COMMD7: variants seen among roughly 807,000 people sequenced by gnomAD.
COMMD7 encodes the protein COMM domain containing 7, also known as COMM domain-containing protein 7.
Under a neutral mutation model 34.8 loss-of-function variants are expected in COMMD7, and 28 were observed. The ratio of observed to expected loss-of-function variants is 0.80; its 90% confidence interval spans 0.60 to 1.10. The LOEUF is 1.10. COMMD7 is among the 50% of genes least tolerant of loss of function. The probability of loss-of-function intolerance (pLI) is 0.00; values close to 1 mark genes in which losing one functional copy is unlikely to be tolerated. For synonymous variants in COMMD7, 80 were observed against 86.4 expected, an observed-to-expected ratio of 0.93 and a Z score of 0.41; for missense variants, 211 against 241.6, an observed-to-expected ratio of 0.87 and a Z score of 0.84.
chr20:32,737,464 G>A (rs554965652), intron 1 of COMMD7, among the ~76,000 whole-genome samples: 2 of 151,586 alleles, frequency 1.3e-5, no homozygotes, highest in South Asian at 2.1e-4. Flanking sequence ...CTGGGAGGTC[G>A]AGGCTGCACT....
chr20:32,731,865 A>G (rs1985858807), intron 1 of COMMD7, among the ~76,000 whole-genome samples: 1 of 152,228 alleles, frequency 6.6e-6, no homozygotes, highest in Admixed American at 6.5e-5. Context: ...GATTCTCCCC[A>G]GTAAACTTAG....
rs1418761793 is a variant in COMMD7 at position 32,712,781 on chromosome 20, T to C, written c.242-6021A>G. On this transcript the variant is annotated intron_variant, in intron 3 of 8. Transcript: ENST00000278980. Reference sequence around the variant, plus strand: ...TTTTTTTTTTTTTCGAGACAGAGTCTCACTCTGTCCCCCAGACTGGAATGC... The same window carrying C: ...TTTTTTTTTTTTTCGAGACAGAGTCCCACTCTGTCCCCCAGACTGGAATGC... Among the ~76,000 whole-genome samples, 6 of 125,324 alleles carry C rather than the reference T, an allele frequency of 4.8e-5. No homozygotes were observed. The Middle Eastern group carries it at 0.016, about 326-fold the overall frequency. The allele number at this position is 125,324 out of a possible 152,430, so 82.2% of individuals were successfully genotyped here.
intron 3 of COMMD7, among the ~76,000 whole-genome samples, chr20:32,721,888 CGTT>C (rs1568784104): frequency 9.0e-6 from 1 of 110,770 alleles, no homozygotes; most frequent in Non-Finnish European, 1.9e-5. Flanking sequence ...CAGAGCAAGA[CGTT>C]GTCTCAAAAA....
In COMMD7 at chr20:32,703,885, G is replaced by A. The variant is rs778456160; in HGVS notation, c.526+138C>T. 2.6e-6 allele frequency: 4 copies of A among 1,555,146 alleles called. No homozygotes were observed. In the East Asian group the frequency reaches 9.6e-5, roughly 37 times the overall value. On this transcript the variant is annotated intron_variant, in intron 8 of 8. Coordinates refer to ENST00000278980, the MANE Select transcript of COMMD7 (RefSeq NM_053041.3). ...CTCCTTGTGCCATCTTTCAGGAGAG[G>A]AAAGGCAGTGGAACAGCTACTCCAC...
At chr20:32,723,029 A>AAATC (rs1985267365) in intron 3 of COMMD7, among the ~76,000 whole-genome samples, 1 of 24,812 alleles carries the variant, frequency 4.0e-5, no homozygotes, top group African/African-American at 1.4e-4. Context: ...AAAAATAAAT[A>AAATC]AATAAATAAA....
intron 3 of COMMD7, among the ~76,000 whole-genome samples, chr20:32,725,772 C>T (rs936076474): frequency 6.6e-6 from 1 of 152,022 alleles, no homozygotes; most frequent in African/African-American, 2.4e-5. Context: ...TTTATTCCTG[C>T]TGGTGAAATG....
intron 3 of COMMD7, among the ~76,000 whole-genome samples, chr20:32,709,520 AGCCTGGGC>A (rs1278647461): frequency 2.0e-5 from 3 of 152,202 alleles, no homozygotes; most frequent in Non-Finnish European, 1.5e-5. Context: ...ACTGCACTCA[AGCCTGGGC>A]GACAGAGCGA....
In COMMD7 at chr20:32,706,731, G is replaced by T; in HGVS notation, c.271C>A (p.Gln91Lys). Residue 91 changes from glutamine to lysine, a missense_variant, in exon 4 of 9, where the codon CAG becomes AAG. Coordinates refer to ENST00000278980, the MANE Select transcript of COMMD7 (RefSeq NM_053041.3). ...AGAGTTATGAAATCCGCCTGGACCT[G>T]CTTGGCTGTGAGACTCTTCTTCAAA... The part of the protein sequence containing the change: ...GALKKSLTAK[Q>K]VQADFITLGL... 6.2e-7 allele frequency: 1 copy of T among 1,613,898 alleles called. No homozygotes were observed. Among genetic ancestry groups the T allele is most frequent in the Non-Finnish European group, 8.5e-7 (1 of 1,179,988 alleles).
At position 32,710,474 on chromosome 20, in the gene COMMD7, G is replaced by A. The variant is rs147109711; in HGVS notation, c.242-3714C>T. 5.9e-5 allele frequency among the ~76,000 whole-genome samples: 9 copies of A among 152,216 alleles called. No homozygotes were observed. In the East Asian group the frequency reaches 1.4e-3, roughly 23 times the overall value. On this transcript the variant is annotated intron_variant, in intron 3 of 8. Transcript: ENST00000278980. ...AAAAAATTATGTAAGGCCAAGTGCT[G>A]TCATCCCAGCACTTTGGGAGGCTGA...
rs761001606 is a variant in COMMD7 at position 32,732,544 on chromosome 20, A to G, written c.85-4402T>C. ...CACTTTGGGAGGCTGAGGCAGGAGGACCGCTTGATCCCAGGAGACAAGCAT... is the reference window on the plus strand; with the variant it reads ...CACTTTGGGAGGCTGAGGCAGGAGGGCCGCTTGATCCCAGGAGACAAGCAT... On this transcript the variant is annotated intron_variant, in intron 1 of 8. Transcript: ENST00000278980. 2.1e-3 allele frequency among the ~76,000 whole-genome samples: 320 copies of G among 152,174 alleles called. 1 individual carries two copies. Among genetic ancestry groups the G allele is most frequent in the Non-Finnish European group, 2.6e-3 (174 of 68,000 alleles).
intron 3 of COMMD7, among the ~76,000 whole-genome samples, chr20:32,722,341 A>C (rs944395523): frequency 6.6e-6 from 1 of 151,988 alleles, no homozygotes; most frequent in African/African-American, 2.4e-5. Flanking sequence ...TCTCCTGAAA[A>C]TTAGTGCCCA....
Position 32,702,927 on chromosome 20 carries a change from G to A in COMMD7, c.*455C>T, listed in dbSNP as rs1454597203. 6.4e-6 allele frequency: 1 copy of A among 157,324 alleles called. No individual in the cohort carries two copies. The highest frequency in any genetic ancestry group is 1.4e-5 in the Non-Finnish European group (1 of 71,200). 9.7% of individuals were successfully genotyped at this position (157,324 alleles called of 1,614,324 possible). The stretch of plus-strand genomic sequence containing the variant: ...TGTTCCACCAGCACAGACCCAGAGT[G>A]TGCAGAAATCCGTGGGGGCTCTGTA... On this transcript the variant is annotated 3_prime_UTR_variant, in exon 9 of 9. Transcript: ENST00000278980.
intron 1 of COMMD7, among the ~76,000 whole-genome samples, chr20:32,740,813 C>CAAA (rs56039232): frequency 9.4e-5 from 12 of 128,280 alleles, no homozygotes; most frequent in South Asian, 2.6e-4. Flanking sequence ...GACCCTGCCT[C>CAAA]AAAAAAAAAA....
intron 3 of COMMD7, among the ~76,000 whole-genome samples, chr20:32,726,988 T>G (rs1985545017): frequency 6.6e-6 from 1 of 152,068 alleles, no homozygotes; most frequent in African/African-American, 2.4e-5. Flanking sequence ...CCTAGCACTT[T>G]GGGAGGCCAA....
intron 1 of COMMD7, among the ~76,000 whole-genome samples, chr20:32,733,231 G>A (rs1007153600): frequency 1.3e-5 from 2 of 151,862 alleles, no homozygotes; most frequent in African/African-American, 4.8e-5. Context: ...AAAGAATGCA[G>A]TAGATCTATT....
chr20:32,725,645 G>A (rs1304175175), intron 3 of COMMD7, among the ~76,000 whole-genome samples: 5 of 151,982 alleles, frequency 3.3e-5, no homozygotes, highest in Admixed American at 3.3e-4. Flanking sequence ...AGCCAGGATG[G>A]TCTCGATCTC....
intron 1 of COMMD7, 71 bp downstream of exon 1, chr20:32,743,237 T>TGCCCCCCCCCCCCCG: frequency 1.9e-6 from 1 of 526,956 alleles, no homozygotes; most frequent in Non-Finnish European, 3.1e-6. Flanking sequence ...CCCCCGGACG[T>TGCCCCCCCCCCCCCG]CCCCCCCACC....
chr20:32,726,178 A>G (rs1159304869), intron 3 of COMMD7, among the ~76,000 whole-genome samples: 2 of 151,936 alleles, frequency 1.3e-5, no homozygotes, highest in East Asian at 3.9e-4. Flanking sequence ...TCACGAGGTC[A>G]GGAGTTCAAG....
chr20:32,733,319 G>A (rs562680833), intron 1 of COMMD7, among the ~76,000 whole-genome samples: 2 of 151,660 alleles, frequency 1.3e-5, no homozygotes, highest in East Asian at 2.0e-4. Flanking sequence ...GGTGGCTCAC[G>A]CCTGTAATCC....
Sources: allele counts gnomAD v4.1 joint callset (sites outside exome capture counted in the v4.1 genomes callset), GRCh38; gene constraint gnomAD v4.1.1; transcripts MANE v1.5; gene names NCBI Gene and HGNC (gene_info 2026-07-23, HGNC 2026-07-21).